Variants in OR56B2 observed in about 807,000 individuals in gnomAD.
OR56B2 encodes the protein olfactory receptor family 56 subfamily B member 2.
the OR56B2 span, among the ~76,000 whole-genome samples, chr11:5,762,799 GTATT>G: frequency 8.7e-4 from 132 of 151,838 alleles, no homozygotes; most frequent in African/African-American, 2.0e-3. Context: ...TTTTGTTTAC[GTATT>G]TATTTAAAGA....
chr11:5,768,160 G>A, the OR56B2 span, among the ~76,000 whole-genome samples: 1 of 138,076 alleles, frequency 7.2e-6, no homozygotes, highest in African/African-American at 2.7e-5. Context: ...ACCATAGTGG[G>A]TACCACCAGC....
At chr11:5,763,267 C>T in the OR56B2 span, among the ~76,000 whole-genome samples, 1 of 152,064 alleles carries the variant, frequency 6.6e-6, no homozygotes. Flanking sequence ...ATTGTTTCAA[C>T]ATGATTCTCC....
At chr11:5,763,475 G>A in the OR56B2 span, among the ~76,000 whole-genome samples, 20 of 138,896 alleles carry the variant, frequency 1.4e-4, 5 homozygotes, top group South Asian at 4.3e-3. Context: ...CACCATGCCC[G>A]GCTAATTTTT....
the OR56B2 span, among the ~76,000 whole-genome samples, chr11:5,762,799 G>A: frequency 0.11 from 16,652 of 151,804 alleles, 1,020 homozygotes; most frequent in South Asian, 0.15. Flanking sequence ...TTTTGTTTAC[G>A]TATTTATTTA....
chr11:5,762,418 C>G, the OR56B2 span, among the ~76,000 whole-genome samples: 3 of 152,048 alleles, frequency 2.0e-5, no homozygotes, highest in Non-Finnish European at 4.4e-5. Context: ...GATAATTTTG[C>G]ATGTTGTTTT....
At chr11:5,762,797 A>C in the OR56B2 span, among the ~76,000 whole-genome samples, 2 of 152,076 alleles carry the variant, frequency 1.3e-5, no homozygotes, top group Non-Finnish European at 2.9e-5. Context: ...GTTTTTGTTT[A>C]CGTATTTATT....
chr11:5,765,916 T>G, the OR56B2 span: 1 of 139,870 alleles, frequency 7.1e-6, no homozygotes, highest in Non-Finnish European at 1.6e-5. Context: ...AGTACAGGAA[T>G]GAGAGTTCCC....
the OR56B2 span, among the ~76,000 whole-genome samples, chr11:5,768,093 T>C: frequency 2.9e-5 from 4 of 138,816 alleles, 1 homozygote; most frequent in Admixed American, 1.5e-4. Flanking sequence ...TTTTGATACA[T>C]GGATGTATAT....
At chr11:5,763,134 T>C in the OR56B2 span, among the ~76,000 whole-genome samples, 1 of 152,258 alleles carries the variant, frequency 6.6e-6, no homozygotes, top group South Asian at 2.1e-4. Flanking sequence ...TTATAATCTA[T>C]AAGAATCAGT....
chr11:5,768,295 C>G, the OR56B2 span, among the ~76,000 whole-genome samples: 1 of 139,550 alleles, frequency 7.2e-6, no homozygotes, highest in Non-Finnish European at 1.6e-5. Flanking sequence ...TTAGGTAGTT[C>G]CCACTTAAAA....
chr11:5,762,420 T>G, the OR56B2 span, among the ~76,000 whole-genome samples: 1 of 152,102 alleles, frequency 6.6e-6, no homozygotes, highest in Non-Finnish European at 1.5e-5. Context: ...TAATTTTGCA[T>G]GTTGTTTTAT....
the OR56B2 span, among the ~76,000 whole-genome samples, chr11:5,762,086 T>C: frequency 2.6e-5 from 4 of 152,150 alleles, no homozygotes; most frequent in Non-Finnish European, 5.9e-5. Context: ...TATAATCCAT[T>C]GTAAGAATAA....
At chr11:5,762,957 C>T in the OR56B2 span, among the ~76,000 whole-genome samples, 112,005 of 151,788 alleles carry the variant, frequency 0.74, 41,798 homozygotes, top group Middle Eastern at 0.83. Context: ...TATCATTTCA[C>T]AATTATTATT....
At chr11:5,763,132 T>C in the OR56B2 span, among the ~76,000 whole-genome samples, 1 of 152,154 alleles carries the variant, frequency 6.6e-6, no homozygotes, top group Non-Finnish European at 1.5e-5. Context: ...AATTATAATC[T>C]ATAAGAATCA....
At chr11:5,768,504 G>A in the OR56B2 span, among the ~76,000 whole-genome samples, 16,981 of 138,506 alleles carry the variant, frequency 0.12, 3,819 homozygotes, top group East Asian at 0.22. Context: ...ATCTTTCCCT[G>A]TGATAAACAT....
At chr11:5,762,737 TAAAA>T in the OR56B2 span, among the ~76,000 whole-genome samples, 1 of 151,776 alleles carries the variant, frequency 6.6e-6, no homozygotes, top group Non-Finnish European at 1.5e-5. Context: ...TATGTATTAA[TAAAA>T]AAAGACAAAA....
chr11:5,762,429 A>G, the OR56B2 span, among the ~76,000 whole-genome samples: 2 of 152,042 alleles, frequency 1.3e-5, no homozygotes, highest in African/African-American at 4.8e-5. Flanking sequence ...ATGTTGTTTT[A>G]TGAAATTTAT....
chr11:5,763,703 T>G, the OR56B2 span, among the ~76,000 whole-genome samples: 5 of 140,718 alleles, frequency 3.6e-5, no homozygotes, highest in East Asian at 1.0e-3. Flanking sequence ...TTATTTCTGC[T>G]TCAGTATTCA....
the OR56B2 span, among the ~76,000 whole-genome samples, chr11:5,764,587 C>T: frequency 7.1e-6 from 1 of 140,176 alleles, no homozygotes; most frequent in African/African-American, 2.6e-5. Context: ...AAATAATATA[C>T]ATCAATACTT....
Sources: allele counts gnomAD v4.1 joint callset (sites outside exome capture counted in the v4.1 genomes callset), GRCh38; gene constraint gnomAD v4.1.1; transcripts MANE v1.5; gene names NCBI Gene and HGNC (gene_info 2026-07-23, HGNC 2026-07-21).